Variants in ERBB4 observed in about 807,000 individuals in gnomAD.
ERBB4 encodes the protein erb-b2 receptor tyrosine kinase 4, also known as receptor tyrosine-protein kinase erbB-4.
ERBB4 carries 42 observed loss-of-function variants against 158.0 expected under a neutral mutation model. The ratio of observed to expected loss-of-function variants is 0.27; its 90% confidence interval spans 0.21 to 0.34. The LOEUF is 0.34. Ranked by LOEUF, ERBB4 falls within the 10% of genes least tolerant of loss-of-function variation. ERBB4 has a pLI of 1.00. For missense variants in ERBB4, 1,333 were observed against 1,624.1 expected (o/e 0.82, Z 3.08); for synonymous variants, 583 against 558.7 (o/e 1.04, Z -0.61).
chr2:212,132,249 G>A (rs756827141), intron 1 of ERBB4, among the ~76,000 whole-genome samples: 1 of 152,084 alleles, frequency 6.6e-6, no homozygotes, highest in Non-Finnish European at 1.5e-5. Flanking sequence ...ACCTTTTATT[G>A]TCTTTAATTG....
chr2:211,797,726 A>C (rs2076411827), intron 3 of ERBB4, among the ~76,000 whole-genome samples: 1 of 151,980 alleles, frequency 6.6e-6, no homozygotes, highest in South Asian at 2.1e-4. Flanking sequence ...ACAACACTTT[A>C]CAAAATAAGA....
chr2:211,931,127 A>C (rs1451121170), intron 3 of ERBB4, among the ~76,000 whole-genome samples: 1 of 152,104 alleles, frequency 6.6e-6, no homozygotes. Context: ...GCAATATTTA[A>C]AATCAAGTAA....
intron 4 of ERBB4, among the ~76,000 whole-genome samples, chr2:211,754,706 C>CT (rs199650314): frequency 0.012 from 1,659 of 139,890 alleles, 23 homozygotes; most frequent in South Asian, 0.038. Flanking sequence ...TGTGCCCGAG[C>CT]TTTTTTTTTT....
chr2:212,508,923 C>T (rs1248035678), intron 1 of ERBB4, among the ~76,000 whole-genome samples: 5 of 152,074 alleles, frequency 3.3e-5, no homozygotes, highest in African/African-American at 1.2e-4. Flanking sequence ...TACTTCTATA[C>T]TTTCATGTCT....
At chr2:211,641,210 T>A (rs916069611) in intron 16 of ERBB4, among the ~76,000 whole-genome samples, 2 of 152,090 alleles carry the variant, frequency 1.3e-5, no homozygotes, top group Non-Finnish European at 2.9e-5. Flanking sequence ...CTAGGAACAT[T>A]CAAAATGCAA....
At chr2:211,431,711 A>C (rs79453284) in intron 20 of ERBB4, among the ~76,000 whole-genome samples, 171 of 152,304 alleles carry the variant, frequency 1.1e-3, no homozygotes, top group Non-Finnish European at 2.1e-3. Context: ...CTATGGTATC[A>C]GTAGTCATTA....
At chr2:211,979,785 T>C (rs2081737635) in intron 2 of ERBB4, among the ~76,000 whole-genome samples, 1 of 152,166 alleles carries the variant, frequency 6.6e-6, no homozygotes, top group African/African-American at 2.4e-5. Context: ...GAAGAGACCT[T>C]GTTTATCTGT....
intron 1 of ERBB4, among the ~76,000 whole-genome samples, chr2:212,509,312 A>G (rs1237065524): frequency 6.6e-6 from 1 of 152,042 alleles, no homozygotes; most frequent in Non-Finnish European, 1.5e-5. Flanking sequence ...TTTTCCCATT[A>G]TGACTCTTGT....
chr2:212,005,410 GA>G (rs200076048), intron 2 of ERBB4, among the ~76,000 whole-genome samples: 1 of 151,598 alleles, frequency 6.6e-6, no homozygotes, highest in Non-Finnish European at 1.5e-5. Flanking sequence ...CAAATAATAA[GA>G]AAAAAAATCC....
At chr2:212,169,461 C>T (rs1050371869) in intron 1 of ERBB4, among the ~76,000 whole-genome samples, 3 of 152,022 alleles carry the variant, frequency 2.0e-5, no homozygotes, top group African/African-American at 7.2e-5. Context: ...TAGCCATATG[C>T]AGAAAATCGA....
intron 3 of ERBB4, among the ~76,000 whole-genome samples, chr2:211,945,290 C>A (rs2080651148): frequency 6.6e-6 from 1 of 152,056 alleles, no homozygotes; most frequent in Non-Finnish European, 1.5e-5. Context: ...CTGATTCTTA[C>A]AATTGGAGTA....
chr2:212,084,739 A>G (rs553582824), intron 2 of ERBB4, among the ~76,000 whole-genome samples: 20 of 151,988 alleles, frequency 1.3e-4, no homozygotes, highest in Non-Finnish European at 2.4e-4. Flanking sequence ...CCTAGTTCAC[A>G]TATGTGTTAA....
At chr2:211,869,929 T>C (rs1480947021) in intron 3 of ERBB4, among the ~76,000 whole-genome samples, 2 of 152,176 alleles carry the variant, frequency 1.3e-5, no homozygotes, top group East Asian at 1.9e-4. Context: ...CCTGGGTGGA[T>C]TGCTGGTTAT....
At chr2:211,483,399 A>C (rs2065131211) in intron 20 of ERBB4, among the ~76,000 whole-genome samples, 1 of 152,230 alleles carries the variant, frequency 6.6e-6, no homozygotes, top group African/African-American at 2.4e-5. Flanking sequence ...CTATTCCAAC[A>C]TCATAATCAT....
chr2:211,498,263 T>C lies in ERBB4; in HGVS notation c.2487+63640A>G, dbSNP rs893380608. Among the ~76,000 whole-genome samples the C allele has an allele frequency of 4.6e-5, 7 of 152,128 alleles. 1 individual carries two copies. In the South Asian group the frequency reaches 1.4e-3, roughly 31 times the overall value. On this transcript the variant is annotated intron_variant, in intron 20 of 27. Transcript: ENST00000342788. ...CTAAAGTCTTCAGTATGCCCTCTCG[T>C]TACATAGAATGAGTGTCCTATTCTA...
chr2:211,685,728 G>A (rs2072537834), intron 12 of ERBB4, among the ~76,000 whole-genome samples: 1 of 152,084 alleles, frequency 6.6e-6, no homozygotes, highest in Non-Finnish European at 1.5e-5. Flanking sequence ...ACATCTTTAT[G>A]ATTTTGAGCT....
chr2:212,126,119 A>G (rs559727655), intron 1 of ERBB4, among the ~76,000 whole-genome samples: 119 of 152,280 alleles, frequency 7.8e-4, no homozygotes, highest in African/African-American at 2.7e-3. Flanking sequence ...TCTGTCTGCC[A>G]AGTTCTATTC....
chr2:212,461,894 A>C (rs1688594894), intron 1 of ERBB4, among the ~76,000 whole-genome samples: 1 of 152,088 alleles, frequency 6.6e-6, no homozygotes, highest in Non-Finnish European at 1.5e-5. Context: ...TCCTGTGCAC[A>C]AGCTCTCTCT....
At chr2:212,151,750 A>C (rs1173431310) in intron 1 of ERBB4, among the ~76,000 whole-genome samples, 1 of 152,052 alleles carries the variant, frequency 6.6e-6, no homozygotes, top group African/African-American at 2.4e-5. Flanking sequence ...CCAGCTGGGC[A>C]TGGTGGCACA....
Sources: allele counts gnomAD v4.1 joint callset (sites outside exome capture counted in the v4.1 genomes callset), GRCh38; gene constraint gnomAD v4.1.1; transcripts MANE v1.5; gene names NCBI Gene and HGNC (gene_info 2026-07-23, HGNC 2026-07-21).